The following CRPPA variants were observed in gnomAD, a reference collection of about 807,000 sequenced individuals.
The protein encoded by CRPPA is CDP-L-ribitol pyrophosphorylase A, also known as D-ribitol-5-phosphate cytidylyltransferase.
A neutral mutation model predicts 52.0 loss-of-function variants in CRPPA; 43 were observed. That is an observed-to-expected ratio of 0.83 (90% CI 0.65 to 1.07). CRPPA has a LOEUF of 1.07. Ranked by LOEUF, CRPPA falls within the 50% of genes least tolerant of loss-of-function variation. CRPPA has a pLI of 0.00. For missense variants in CRPPA, 629 were observed against 551.7 expected, an observed-to-expected ratio of 1.14 and a Z score of -1.40; for synonymous variants, 250 against 203.5, an observed-to-expected ratio of 1.23 and a Z score of -1.94.
chr7:16,091,959 G>C (rs1030811574), intron 9 of CRPPA, among the ~76,000 whole-genome samples, 160 bp from the exon 10 acceptor site: 2 of 152,136 alleles, frequency 1.3e-5, no homozygotes, highest in South Asian at 4.1e-4. Flanking sequence ...CGAATAAAGA[G>C]GAAATACTTT....
chr7:16,399,413 GAC>G (rs1052994263), intron 2 of CRPPA, among the ~76,000 whole-genome samples: 7 of 113,874 alleles, frequency 6.1e-5, no homozygotes, highest in African/African-American at 2.9e-4. Flanking sequence ...ACACCTTTGT[GAC>G]ATGTGACAAG....
chr7:16,089,430 T>G lies in CRPPA; in HGVS notation c.*2265A>C. On this transcript the variant is annotated 3_prime_UTR_variant, in exon 10 of 10. Coordinates refer to ENST00000407010, the MANE Select transcript of CRPPA (RefSeq NM_001101426.4). ...GTATATATGTACGTACATACATATATGTGTATATATGTACGTGCATACATA... is the reference window on the plus strand; with the variant it reads ...GTATATATGTACGTACATACATATAGGTGTATATATGTACGTGCATACATA... 1 of 333,356 alleles carries G rather than the reference T, an allele frequency of 3.0e-6. No individual in the cohort carries two copies. The highest frequency in any genetic ancestry group is 6.6e-6 in the Non-Finnish European group (1 of 152,438). The allele number at this position is 333,356 out of a possible 1,614,324, so 20.6% of individuals were successfully genotyped here.
intron 3 of CRPPA, among the ~76,000 whole-genome samples, chr7:16,362,809 G>A (rs372422850): frequency 3.3e-5 from 5 of 152,068 alleles, no homozygotes; most frequent in Non-Finnish European, 5.9e-5. Flanking sequence ...CATTTAACTC[G>A]AGATATATTT....
chr7:16,214,088 G>A (rs1250071372), intron 9 of CRPPA, among the ~76,000 whole-genome samples: 1 of 152,058 alleles, frequency 6.6e-6, no homozygotes, highest in Non-Finnish European at 1.5e-5. Flanking sequence ...TCTACAAAGA[G>A]GTTATTTTAA....
At chr7:16,180,942 A>C (rs17169318) in intron 9 of CRPPA, among the ~76,000 whole-genome samples, 2,686 of 152,140 alleles carry the variant, frequency 0.018, 75 homozygotes, top group African/African-American at 0.06. Flanking sequence ...TTATATAAAA[A>C]GGAAAATCTG....
At position 16,379,051 on chromosome 7, in the gene CRPPA, G is replaced by A. The variant is rs1786996449; in HGVS notation, c.535-2810C>T. Among the ~76,000 whole-genome samples the A allele has an allele frequency of 2.0e-5, 3 of 152,186 alleles. 1 individual carries two copies. The South Asian group carries it at 6.2e-4, about 32-fold the overall frequency. ...GGTTGCGAAAATTTTCTCACATTTT[G>A]TAGGTTGCCTGTTCGCTCTGATGGT... On this transcript the variant is annotated intron_variant, in intron 2 of 9. Coordinates refer to ENST00000407010, the MANE Select transcript of CRPPA (RefSeq NM_001101426.4).
At chr7:16,407,893 G>T (rs147060061) in intron 1 of CRPPA, among the ~76,000 whole-genome samples, 2,257 of 152,154 alleles carry the variant, frequency 0.015, 61 homozygotes, top group African/African-American at 0.051. Flanking sequence ...GATCACTTGA[G>T]ATCAGGAGTT....
At chr7:16,393,699 C>T (rs185123109) in intron 2 of CRPPA, among the ~76,000 whole-genome samples, 43 of 152,080 alleles carry the variant, frequency 2.8e-4, no homozygotes, top group African/African-American at 8.2e-4. Flanking sequence ...AAACCATAAA[C>T]GAAGACATTA....
chr7:16,192,660 G>A lies in CRPPA; in HGVS notation c.1251+23406C>T, dbSNP rs940729104. 2.0e-5 allele frequency among the ~76,000 whole-genome samples: 3 copies of A among 152,052 alleles called. No homozygotes were observed. In the South Asian group the frequency reaches 6.2e-4, roughly 31 times the overall value. ...ATGGTTTCCATCGCTGAACATGTTT[G>A]AGATTCAACTTTGTTGTCGTATGTC... On this transcript the variant is annotated intron_variant, in intron 9 of 9. Transcript: ENST00000407010.
intron 1 of CRPPA, among the ~76,000 whole-genome samples, chr7:16,412,857 T>C (rs1788104593): frequency 6.6e-6 from 1 of 152,148 alleles, no homozygotes; most frequent in African/African-American, 2.4e-5. Context: ...CCTACAGACA[T>C]TGAGGAAGAA....
In CRPPA at chr7:16,421,055, C is replaced by T; in HGVS notation, c.257+11G>A. The T allele has an allele frequency of 7.9e-7, 1 of 1,263,338 alleles. No individual in the cohort carries two copies. The highest frequency in any genetic ancestry group is 3.1e-5 in the East Asian group (1 of 31,750). 78.3% of individuals were successfully genotyped at this position (1,263,338 alleles called of 1,614,324 possible). On this transcript the variant is annotated intron_variant, in intron 1 of 9. Transcript: ENST00000407010. ...CCAGGGAACCGCGGGGCGCGCCCGG[C>T]GCCGCATTACCTCTCCAGGGCCTGT...
At chr7:16,236,674 T>C (rs1481910086) in intron 8 of CRPPA, among the ~76,000 whole-genome samples, 2 of 152,118 alleles carry the variant, frequency 1.3e-5, no homozygotes, top group African/African-American at 4.8e-5. Context: ...GGTAATATTC[T>C]TACCATCTTC....
At chr7:16,382,780 G>T (rs576353039) in intron 2 of CRPPA, among the ~76,000 whole-genome samples, 2 of 151,826 alleles carry the variant, frequency 1.3e-5, no homozygotes, top group South Asian at 2.1e-4. Context: ...CCAGTTGATC[G>T]CATCGGCTCC....
chr7:16,372,498 G>A (rs1215022678), intron 3 of CRPPA, among the ~76,000 whole-genome samples: 2 of 152,100 alleles, frequency 1.3e-5, no homozygotes, highest in Admixed American at 6.5e-5. Flanking sequence ...AACAAATGCT[G>A]AGAAAATTTG....
chr7:16,414,350 A>AACACAC lies in CRPPA; in HGVS notation c.257+6710_257+6715dup, dbSNP rs3085030. On this transcript the variant is annotated intron_variant, in intron 1 of 9. Coordinates refer to ENST00000407010, the MANE Select transcript of CRPPA (RefSeq NM_001101426.4). ...TCCAGGTTGACCACCCCCCTACCCC[A>AACACAC]ACACACACACACACACACACACACA... Among the ~76,000 whole-genome samples the AACACAC allele has an allele frequency of 5.3e-3, 735 of 138,724 alleles. 6 individuals are homozygous for AACACAC. The highest frequency in any genetic ancestry group is 7.8e-3 in the East Asian group (36 of 4,622). The allele number at this position is 138,724 out of a possible 152,430, so 91.0% of individuals were successfully genotyped here. A position where few individuals can be genotyped will look rare whatever the true frequency, so the allele number is the denominator to read the frequency against.
chr7:16,359,818 C>T (rs78641317), intron 3 of CRPPA, among the ~76,000 whole-genome samples: 21 of 152,216 alleles, frequency 1.4e-4, no homozygotes, highest in African/African-American at 4.8e-4. Context: ...ACTTTCTTAC[C>T]AAAAAGGCAC....
intron 3 of CRPPA, among the ~76,000 whole-genome samples, chr7:16,358,186 G>C (rs1356003824): frequency 2.0e-5 from 3 of 152,138 alleles, no homozygotes. Flanking sequence ...ACACCACCGA[G>C]TGCCACACAC....
rs540567728 is a variant in CRPPA, at chr7:16,240,229, G to A, written c.1119+18161C>T. 1.0e-4 allele frequency among the ~76,000 whole-genome samples: 15 copies of A among 149,796 alleles called. No homozygotes were observed. The South Asian group carries it at 2.8e-3, about 28-fold the overall frequency. ...CATTCATGACTGCAACTAGATAAAG[G>A]TTCCAAAGGTATTTTTAACCAGTAT... On this transcript the variant is annotated intron_variant, in intron 8 of 9. Coordinates refer to ENST00000407010, the MANE Select transcript of CRPPA (RefSeq NM_001101426.4).
intron 3 of CRPPA, among the ~76,000 whole-genome samples, chr7:16,353,644 G>A (rs140759995): frequency 0.011 from 1,713 of 152,268 alleles, 39 homozygotes; most frequent in African/African-American, 0.039. Context: ...GAGGTCAGGA[G>A]TTTGAGACCA....
Sources: gnomAD v4.1 joint callset for allele counts (sites outside exome capture counted in the v4.1 genomes callset) on GRCh38, gnomAD v4.1.1 for gene constraint, MANE v1.5 for transcripts, NCBI Gene and HGNC (gene_info 2026-07-23, HGNC 2026-07-21) for gene names.